ZNF362: variants seen among roughly 807,000 people sequenced by gnomAD.
The protein encoded by ZNF362 is zinc finger protein 362, also known as rotund homolog.
Under a neutral mutation model 42.9 loss-of-function variants are expected in ZNF362, and 11 were observed. That is an observed-to-expected ratio of 0.26 (90% CI 0.16 to 0.42). ZNF362 has a LOEUF of 0.42. Ranked by LOEUF, ZNF362 falls within the 20% of genes least tolerant of loss-of-function variation. The probability of loss-of-function intolerance (pLI) is 1.00; values close to 1 mark genes in which losing one functional copy is unlikely to be tolerated. For missense variants in ZNF362, 362 were observed against 576.2 expected, an observed-to-expected ratio of 0.63 and a Z score of 3.81; for synonymous variants, 255 against 257.3, an observed-to-expected ratio of 0.99 and a Z score of 0.09.
Position 33,276,542 on chromosome 1 carries a change from G to C in ZNF362, c.297G>C (p.Val99=). 2 of 1,502,242 alleles carry C rather than the reference G, an allele frequency of 1.3e-6. No homozygotes were observed. Among genetic ancestry groups the C allele is most frequent in the East Asian group, 5.1e-5 (2 of 39,588 alleles). The allele number at this position is 1,502,242 out of a possible 1,614,324, so 93.1% of individuals were successfully genotyped here. A position where few individuals can be genotyped will look rare whatever the true frequency, so the allele number is the denominator to read the frequency against. ...TGCCGGGGCTGCATCCACAGGCGGT[G>C]CCGCAGCCCGACGTGGCGCTGCACG... The part of the protein sequence containing the change: ...QQVPGLHPQA[V]PQPDVALHAR... Residue 99 remains valine, a synonymous_variant, in exon 4 of 9, where the codon GTG becomes GTC. Transcript: ENST00000539719.
the ZNF362 span, among the ~76,000 whole-genome samples, chr1:33,215,520 G>C: frequency 2.0e-5 from 3 of 152,254 alleles, no homozygotes; most frequent in South Asian, 4.1e-4. Flanking sequence ...ATATTGGAAT[G>C]TTCCTAACAC....
the ZNF362 span, chr1:33,176,523 C>T: frequency 1.4e-5 from 9 of 657,362 alleles, no homozygotes; most frequent in Admixed American, 1.2e-4. Context: ...TGAATCGGAT[C>T]CCCTCTCTGG....
At chr1:33,132,456 A>C in the ZNF362 span, among the ~76,000 whole-genome samples, 4 of 152,336 alleles carry the variant, frequency 2.6e-5, no homozygotes, top group South Asian at 8.3e-4. Flanking sequence ...ATAGTTTGTC[A>C]ACCCCTAAAC....
intron 4 of ZNF362, among the ~76,000 whole-genome samples, 174 bp from the exon 5 acceptor site, chr1:33,279,950 C>T (rs1645979156): frequency 6.6e-6 from 1 of 152,206 alleles, no homozygotes; most frequent in Admixed American, 6.5e-5. Flanking sequence ...TCAATTTAAT[C>T]TTAAGGTGTC....
At chr1:33,237,859 C>G in the ZNF362 span, among the ~76,000 whole-genome samples, 25 of 152,204 alleles carry the variant, frequency 1.6e-4, no homozygotes, top group Admixed American at 1.3e-3. Flanking sequence ...GTTAAAGACG[C>G]TGGAACCACA....
the ZNF362 span, among the ~76,000 whole-genome samples, chr1:33,239,801 G>C: frequency 6.6e-6 from 1 of 152,136 alleles, no homozygotes; most frequent in African/African-American, 2.4e-5. Flanking sequence ...TGGAGACACA[G>C]AACAAAATCA....
chr1:33,253,691 CT>C (rs1557783226), upstream of ZNF362, among the ~76,000 whole-genome samples: 1 of 152,068 alleles, frequency 6.6e-6, no homozygotes, highest in Non-Finnish European at 1.5e-5. Context: ...ACTTCTGTGC[CT>C]TTGCATGTGC....
chr1:33,167,822 T>C, the ZNF362 span, among the ~76,000 whole-genome samples: 1 of 152,226 alleles, frequency 6.6e-6, no homozygotes, highest in South Asian at 2.1e-4. The surrounding 1 kb of genome is among the most constrained non-coding windows in gnomAD (Gnocchi z 4.2). Context: ...GATGACATGC[T>C]GATGGAAGAA....
the ZNF362 span, among the ~76,000 whole-genome samples, chr1:33,130,216 T>G: frequency 1.3e-5 from 2 of 152,200 alleles, no homozygotes; most frequent in Non-Finnish European, 2.9e-5. Flanking sequence ...CGGTAGGCAG[T>G]CTCTGAGTTG....
chr1:33,200,187 T>A, the ZNF362 span: 1 of 152,292 alleles, frequency 6.6e-6, no homozygotes, highest in African/African-American at 2.4e-5. Context: ...TTGTCTTATC[T>A]ATTCCTGCTG....
chr1:33,243,477 T>C, the ZNF362 span, among the ~76,000 whole-genome samples: 56 of 152,120 alleles, frequency 3.7e-4, no homozygotes, highest in Admixed American at 7.9e-4. Flanking sequence ...TGAGCCACCA[T>C]ACCTGGCCCC....
At chr1:33,249,071 A>C in the ZNF362 span, among the ~76,000 whole-genome samples, 2 of 152,270 alleles carry the variant, frequency 1.3e-5, no homozygotes, top group African/African-American at 4.8e-5. Flanking sequence ...ATTACAGCTG[A>C]GATAAGTCTG....
the ZNF362 span, among the ~76,000 whole-genome samples, chr1:33,183,858 CAG>C: frequency 2.0e-5 from 3 of 152,100 alleles, no homozygotes; most frequent in Non-Finnish European, 4.4e-5. Context: ...TATTCTGATG[CAG>C]AGTCTGGACT....
the ZNF362 span, among the ~76,000 whole-genome samples, chr1:33,174,089 A>G: frequency 6.0e-3 from 919 of 152,324 alleles, 10 homozygotes; most frequent in African/African-American, 0.021. Context: ...ATTCAGAGGT[A>G]GTAAATACAT....
chr1:33,253,746 GATAAC>G (rs1212178280), upstream of ZNF362, among the ~76,000 whole-genome samples: 1 of 152,132 alleles, frequency 6.6e-6, no homozygotes, highest in East Asian at 1.9e-4. Context: ...TGATATTGAT[GATAAC>G]ATAACTTTTT....
the ZNF362 span, among the ~76,000 whole-genome samples, chr1:33,150,359 A>G: frequency 6.6e-6 from 1 of 152,224 alleles, no homozygotes; most frequent in Non-Finnish European, 1.5e-5. Context: ...AATGATGGGG[A>G]CTGTCCCCAA....
At chr1:33,270,219 C>A (rs1645891895) in intron 1 of ZNF362, among the ~76,000 whole-genome samples, 1 of 152,114 alleles carries the variant, frequency 6.6e-6, no homozygotes, top group Admixed American at 6.5e-5. Context: ...GTGGGGAGGA[C>A]ACCCGGGAAA....
At chr1:33,181,664 T>G in the ZNF362 span, 1 of 685,212 alleles carries the variant, frequency 1.5e-6, no homozygotes, top group Non-Finnish European at 2.3e-6. The surrounding 1 kb of genome is among the most constrained non-coding windows in gnomAD (Gnocchi z 6.5). Context: ...CTAGAGGTAG[T>G]GGGCAGCTCA....
At chr1:33,215,690 A>G in the ZNF362 span, among the ~76,000 whole-genome samples, 1 of 152,148 alleles carries the variant, frequency 6.6e-6, no homozygotes, top group Non-Finnish European at 1.5e-5. Flanking sequence ...CAATATAAAA[A>G]TTCTGTACCC....
Sources: allele counts gnomAD v4.1 joint callset (sites outside exome capture counted in the v4.1 genomes callset), GRCh38; gene constraint gnomAD v4.1.1; non-coding constraint Gnocchi (gnomAD v3.1); transcripts MANE v1.5; gene names NCBI Gene and HGNC (gene_info 2026-07-23, HGNC 2026-07-21).